Variants in PCDHGB1 observed in about 807,000 individuals in gnomAD.
PCDHGB1 encodes the protein protocadherin gamma subfamily B, 1, also known as protocadherin gamma-B1.
A neutral mutation model predicts 56.6 loss-of-function variants in PCDHGB1; 34 were observed. The ratio of observed to expected loss-of-function variants is 0.60; its 90% CI spans 0.46 to 0.80. PCDHGB1 has a LOEUF of 0.80. Ranked by LOEUF, PCDHGB1 falls within the 30% of genes least tolerant of loss-of-function variation. The pLI is 0.00. For missense variants in PCDHGB1, 1,278 were observed against 1,204.6 expected (o/e 1.06, Z -0.90); for synonymous variants, 561 against 505.9 (o/e 1.11, Z -1.46).
rs1312101699 is a variant in PCDHGB1 at position 141,421,245 on chromosome 5, G to C, written c.2409+68576G>C. ...AGCCTGCCATGGCGAATCGGCTACA[G>C]CGCGGGGACCGCAGTCGGCTGCTGC... On this transcript the variant is annotated intron_variant, in intron 1 of 3. Coordinates refer to ENST00000523390, the MANE Select transcript of PCDHGB1 (RefSeq NM_018922.3). 6.2e-7 allele frequency: 1 copy of C among 1,603,936 alleles called. No homozygotes were observed. The highest frequency in any genetic ancestry group is 8.5e-7 in the Non-Finnish European group (1 of 1,176,330).
In PCDHGB1 at chr5:141,430,937, G is replaced by C. The variant is rs888990395; in HGVS notation, c.2410-63870G>C. ...CCTGGGGCTGGAGCCCCGGGAGCTC[G>C]CGGAGCGCGGAGTCCGCATCATCCC... On this transcript the variant is annotated intron_variant, in intron 1 of 3. Coordinates refer to ENST00000523390, the MANE Select transcript of PCDHGB1 (RefSeq NM_018922.3). The C allele has an allele frequency of 8.7e-6, 14 of 1,607,498 alleles. No individual in the cohort carries two copies. The highest frequency in any genetic ancestry group is 1.7e-5 in the Admixed American group (1 of 58,732).
At position 141,477,115 on chromosome 5, in the gene PCDHGB1, A is replaced by T. The variant is rs1218111107; in HGVS notation, c.2410-17692A>T. On this transcript the variant is annotated intron_variant, in intron 1 of 3. Coordinates refer to ENST00000523390, the MANE Select transcript of PCDHGB1 (RefSeq NM_018922.3). The surrounding 1 kb of genome is among the most constrained non-coding windows in gnomAD (Gnocchi z 4.9). Reference sequence around the variant, plus strand: ...AAGACAAGGGCGCCAATCCCGAAGGAGCACATTGCAAAGTGTTGGTGGAGG... The same window carrying T: ...AAGACAAGGGCGCCAATCCCGAAGGTGCACATTGCAAAGTGTTGGTGGAGG... The T allele has an allele frequency of 6.2e-7, 1 of 1,614,230 alleles. No individual in the cohort carries two copies. Among genetic ancestry groups the T allele is most frequent in the Non-Finnish European group, 8.5e-7 (1 of 1,180,038 alleles).
In PCDHGB1 at chr5:141,352,367, G is replaced by C; in HGVS notation, c.2107G>C (p.Val703Leu). 6.2e-7 allele frequency: 1 copy of C among 1,614,060 alleles called. No homozygotes were observed. Among genetic ancestry groups the C allele is most frequent in the Non-Finnish European group, 8.5e-7 (1 of 1,179,902 alleles). ...GATCTCAGTGCTCTTTCTCCTCGCGGTGATTCTAGCGATCGCCCTGCGCCT... is the reference window on the plus strand; with the variant it reads ...GATCTCAGTGCTCTTTCTCCTCGCGCTGATTCTAGCGATCGCCCTGCGCCT... ...ALISVLFLLA[V>L]ILAIALRLRR... is the part of the protein sequence containing the mutation. Residue 703 changes from valine to leucine, a missense_variant, in exon 1 of 4, where the codon GTG (valine) becomes CTG (leucine). Physicochemically the swap from Val to Leu is conservative, Grantham distance 32 (BLOSUM62 1). Coordinates refer to ENST00000523390, the MANE Select transcript of PCDHGB1 (RefSeq NM_018922.3).
intron 2 of PCDHGB1, among the ~76,000 whole-genome samples, chr5:141,498,091 C>G (rs2099781521): frequency 6.6e-6 from 1 of 152,156 alleles, no homozygotes; most frequent in African/African-American, 2.4e-5. Context: ...AGAATTGTAT[C>G]TGGTGGTGTG....
At chr5:141,389,673 G>T (rs755380537) in intron 1 of PCDHGB1, 1 of 1,612,426 alleles carries the variant, frequency 6.2e-7, no homozygotes, top group South Asian at 1.1e-5. Context: ...CGCAGACTCA[G>T]GACACAACGC....
intron 1 of PCDHGB1, among the ~76,000 whole-genome samples, chr5:141,386,387 C>T (rs1416257552): frequency 6.6e-6 from 1 of 152,092 alleles, no homozygotes; most frequent in Admixed American, 6.5e-5. Context: ...TAATTAAAAA[C>T]ACACTTTTAG....
intron 1 of PCDHGB1, chr5:141,384,761 TG>T (rs747704737): frequency 9.3e-6 from 15 of 1,613,968 alleles, no homozygotes; most frequent in Non-Finnish European, 1.3e-5. Flanking sequence ...GCGGTTGGGC[TG>T]TACACGGGCG....
At position 141,490,857 on chromosome 5, in the gene PCDHGB1, C is replaced by G; in HGVS notation, c.2410-3950C>G. 6.2e-7 allele frequency: 1 copy of G among 1,613,832 alleles called. No homozygotes were observed. Among genetic ancestry groups the G allele is most frequent in the Admixed American group, 1.7e-5 (1 of 60,012 alleles). On this transcript the variant is annotated intron_variant, in intron 1 of 3. Coordinates refer to ENST00000523390, the MANE Select transcript of PCDHGB1 (RefSeq NM_018922.3). The surrounding 1 kb of genome is among the most constrained non-coding windows in gnomAD (Gnocchi z 5.4). ...AGATTGTGGTGGGGGTTCGAGACTCCGGCTCTCCCCCATTGCATGCCAACA... is the reference window on the plus strand; with the variant it reads ...AGATTGTGGTGGGGGTTCGAGACTCGGGCTCTCCCCCATTGCATGCCAACA...
intron 1 of PCDHGB1, among the ~76,000 whole-genome samples, chr5:141,452,253 T>G (rs2098736880): frequency 6.6e-6 from 1 of 152,166 alleles, no homozygotes; most frequent in Admixed American, 6.5e-5. Context: ...TTGCCATAAC[T>G]CTCTCATTTT....
intron 1 of PCDHGB1, chr5:141,418,345 T>G: frequency 6.2e-7 from 1 of 1,614,000 alleles, no homozygotes; most frequent in Non-Finnish European, 8.5e-7. Context: ...ATCCTGATAT[T>G]AGTATGAATT....
intron 1 of PCDHGB1, chr5:141,383,493 G>T: frequency 1.2e-6 from 2 of 1,613,270 alleles, no homozygotes; most frequent in Non-Finnish European, 1.7e-6. Context: ...TGCTGGAGCG[G>T]GTGCTGGACC....
At chr5:141,358,425 C>G (rs17097227) in intron 1 of PCDHGB1, among the ~76,000 whole-genome samples, 21,407 of 152,038 alleles carry the variant, frequency 0.14, 2,091 homozygotes, top group African/African-American at 0.28. Flanking sequence ...AGGGTATTTT[C>G]CATTATAACA....
chr5:141,413,747 A>C, intron 1 of PCDHGB1: 1 of 1,613,348 alleles, frequency 6.2e-7, no homozygotes. Flanking sequence ...AGCCGTGCCA[A>C]TGGCGTCAAG....
intron 1 of PCDHGB1, chr5:141,394,811 C>T (rs1225635250): frequency 6.2e-7 from 1 of 1,613,888 alleles, no homozygotes; most frequent in African/African-American, 1.3e-5. Flanking sequence ...CCGTGGCTGA[C>T]AGCATCCCCG....
intron 1 of PCDHGB1, chr5:141,395,524 T>A: frequency 2.5e-6 from 1 of 392,376 alleles, no homozygotes; most frequent in Non-Finnish European, 4.5e-6. Flanking sequence ...CCGTCCATAC[T>A]GGTAATTTTG....
At position 141,379,889 on chromosome 5, in the gene PCDHGB1, C is replaced by CTTTTTTTTTTTTTTTTTTTTT. The variant is rs70988800; in HGVS notation, c.2409+27230_2409+27250dup. The stretch of plus-strand genomic sequence containing the variant: ...CTTATTTTATGGTCTGTGAAAGCCT[C>CTTTTTTTTTTTTTTTTTTTTT]TTTTTTTTTTTTTTTTTTTTTTTTT... On this transcript the variant is annotated intron_variant, in intron 1 of 3. Coordinates refer to ENST00000523390, the MANE Select transcript of PCDHGB1 (RefSeq NM_018922.3). Among the ~76,000 whole-genome samples, 100 of 50,832 alleles carry CTTTTTTTTTTTTTTTTTTTTT rather than the reference C, an allele frequency of 2.0e-3. 11 individuals are homozygous for CTTTTTTTTTTTTTTTTTTTTT. The highest frequency in any genetic ancestry group is 2.9e-3 in the Non-Finnish European group (74 of 25,884). 33.3% of individuals were successfully genotyped at this position (50,832 alleles called of 152,430 possible).
Position 141,360,946 on chromosome 5 carries a change from G to A in PCDHGB1, c.2409+8277G>A, listed in dbSNP as rs371775713. ...TCAAGTGACAGCCACCGACCGGGAT[G>A]AAGGCATAAACGCAGAGATCACCTA... On this transcript the variant is annotated intron_variant, in intron 1 of 3. Coordinates refer to ENST00000523390, the MANE Select transcript of PCDHGB1 (RefSeq NM_018922.3). The A allele has an allele frequency of 1.4e-5, 22 of 1,613,850 alleles. No individual in the cohort carries two copies. In the African/African-American group the frequency reaches 2.4e-4, roughly 18 times the overall value.
At position 141,403,267 on chromosome 5, in the gene PCDHGB1, C is replaced by T. The variant is rs767670942; in HGVS notation, c.2409+50598C>T. On this transcript the variant is annotated intron_variant, in intron 1 of 3. Transcript: ENST00000523390. ...CTCAGAGCCCGCGGTGTCTGGTGAA[C>T]TTTAAAGTCCTGGTTGAAGACAGAG... is the stretch of plus-strand genomic sequence containing the variant. 4.4e-5 allele frequency: 71 copies of T among 1,613,770 alleles called. No homozygotes were observed. Among genetic ancestry groups the T allele is most frequent in the Non-Finnish European group, 5.8e-5 (69 of 1,179,916 alleles).
In PCDHGB1 at chr5:141,486,581, C is replaced by T; in HGVS notation, c.2410-8226C>T. 1 of 1,613,764 alleles carries T rather than the reference C, an allele frequency of 6.2e-7. No individual in the cohort carries two copies. The highest frequency in any genetic ancestry group is 1.1e-5 in the South Asian group (1 of 91,082). On this transcript the variant is annotated intron_variant, in intron 1 of 3. Coordinates refer to ENST00000523390, the MANE Select transcript of PCDHGB1 (RefSeq NM_018922.3). This position sits in a 1 kb window ranked among gnomAD's most constrained non-coding sequence, Gnocchi z 5.0. ...GGTGTTTGTTCCTGAGAACAATCGC[C>T]CAGGGGACCTGCTTTGCTCCCTTGC... is the stretch of plus-strand genomic sequence containing the variant.
Sources: gnomAD v4.1 joint callset for allele counts (sites outside exome capture counted in the v4.1 genomes callset) on GRCh38, gnomAD v4.1.1 for gene constraint, Gnocchi (gnomAD v3.1) non-coding constraint, MANE v1.5 for transcripts, NCBI Gene and HGNC (gene_info 2026-07-23, HGNC 2026-07-21) for gene names.